The following CTNNAL1 variants were observed in gnomAD, a reference collection of about 807,000 sequenced individuals.
CTNNAL1 encodes the protein catenin alpha like 1, also known as alpha-catulin.
CTNNAL1 carries 69 observed loss-of-function variants against 93.6 expected under a neutral mutation model. The ratio of observed to expected loss-of-function variants is 0.74; its 90% CI spans 0.61 to 0.90. The LOEUF (loss-of-function observed/expected upper bound fraction) is 0.90, where lower values mean the gene tolerates loss of function less well. Ranked by LOEUF, CTNNAL1 falls within the 40% of genes least tolerant of loss-of-function variation. The probability of loss-of-function intolerance (pLI) is 0.00; values close to 1 mark genes in which losing one functional copy is unlikely to be tolerated. For synonymous variants in CTNNAL1, 286 were observed against 305.4 expected (o/e 0.94, Z 0.66); for missense variants, 836 against 862.0 (o/e 0.97, Z 0.38).
chr9:109,008,687 A>G (rs1346566850), intron 1 of CTNNAL1, among the ~76,000 whole-genome samples: 4 of 151,922 alleles, frequency 2.6e-5, no homozygotes, highest in Admixed American at 6.6e-5. Context: ...ATCTTTTCCT[A>G]TATCTTTTAG....
intron 12 of CTNNAL1, among the ~76,000 whole-genome samples, chr9:108,953,600 C>G (rs7023228): frequency 6.6e-6 from 1 of 152,300 alleles, no homozygotes; most frequent in Admixed American, 6.5e-5. Context: ...TCTTCTCATA[C>G]ATATATTTTT....
At chr9:108,984,546 GT>G in intron 4 of CTNNAL1, 110 bp from the exon 5 acceptor site, 1 of 334,548 alleles carries the variant, frequency 3.0e-6, no homozygotes, top group Admixed American at 4.7e-5. Flanking sequence ...ACATTGTTAA[GT>G]GAAAAAAAAA....
chr9:108,985,284 G>C (rs1272149958), intron 4 of CTNNAL1, among the ~76,000 whole-genome samples: 1 of 152,188 alleles, frequency 6.6e-6, no homozygotes, highest in African/African-American at 2.4e-5. Context: ...AAAGCAAACA[G>C]AGACAATACA....
At chr9:109,002,396 A>T (rs1245731751) in intron 1 of CTNNAL1, among the ~76,000 whole-genome samples, 1 of 152,182 alleles carries the variant, frequency 6.6e-6, no homozygotes, top group African/African-American at 2.4e-5. Flanking sequence ...GAATGCCAAC[A>T]ATCAGGCCAT....
chr9:109,013,415 C>A lies in CTNNAL1; in HGVS notation c.28G>T (p.Val10Phe), dbSNP rs1255079187. ...CCGTAGACTGCTCCGGCGCCGCCAA[C>A]GCCGGCGGGTCCGGGAGAGGCGGCC... MAASPGPAGVGGAGAVYGSG... is the reference protein window; with the variant it reads MAASPGPAGFGGAGAVYGSG... Residue 10 changes from valine to phenylalanine, a missense_variant, in exon 1 of 19, where the codon GTT becomes TTT. Val to Phe is a conservative substitution (Grantham distance 50). Transcript: ENST00000325551. The A allele has an allele frequency of 5.4e-6, 8 of 1,486,560 alleles. No homozygotes were observed. The East Asian group carries it at 1.8e-4, about 33-fold the overall frequency. 92.1% of individuals were successfully genotyped at this position (1,486,560 alleles called of 1,614,324 possible).
rs1832126781 is a variant in CTNNAL1, at chr9:108,999,018, A to G, written c.331+49T>C. 2.6e-6 allele frequency: 4 copies of G among 1,524,004 alleles called. No homozygotes were observed. In the South Asian group the frequency reaches 5.4e-5, roughly 20 times the overall value. 94.4% of individuals were successfully genotyped at this position (1,524,004 alleles called of 1,614,324 possible). On this transcript the variant is annotated intron_variant, in intron 2 of 18. Transcript: ENST00000325551. ...AAATCAATAATTTTTCATCATAACC[A>G]AAGCAATAAAAGTGGTATGAATAGT...
intron 14 of CTNNAL1, among the ~76,000 whole-genome samples, chr9:108,950,911 C>G (rs1035997653): frequency 4.6e-5 from 7 of 152,080 alleles, no homozygotes; most frequent in Non-Finnish European, 8.8e-5. Flanking sequence ...TCTCCAATAT[C>G]AGCTTTATCA....
intron 3 of CTNNAL1, 70 bp downstream of exon 3, chr9:108,992,562 T>C (rs1831850900): frequency 2.7e-6 from 4 of 1,502,482 alleles, no homozygotes; most frequent in Non-Finnish European, 3.6e-6. Flanking sequence ...AATCCACCAC[T>C]AAGAGTCATA....
At chr9:109,010,053 G>A (rs1298413292) in intron 1 of CTNNAL1, among the ~76,000 whole-genome samples, 3 of 151,834 alleles carry the variant, frequency 2.0e-5, no homozygotes, top group Non-Finnish European at 2.9e-5. Flanking sequence ...TAAAGACAGG[G>A]TCCTTGTTGG....
rs1831855047 is a variant in CTNNAL1 at position 108,992,647 on chromosome 9, T to C, written c.504A>G (p.Ile168Met). The change falls in exon 3 of 19, where the codon ATA becomes ATG. Residue 168 changes from isoleucine to methionine, a missense_variant. Physicochemically the swap from Ile to Met is conservative, Grantham distance 10. Coordinates refer to ENST00000325551, the MANE Select transcript of CTNNAL1 (RefSeq NM_003798.4). The stretch of plus-strand genomic sequence containing the variant: ...AGGTAAGTACCTTATTTCTTGATGT[T>C]ATTATCTGTTTAATGACTACTCGGT... ...LADRVVIKQI[I>M]TSRNKVLATM... The C allele has an allele frequency of 6.2e-7, 1 of 1,610,830 alleles. No homozygotes were observed. The highest frequency in any genetic ancestry group is 1.3e-5 in the African/African-American group (1 of 74,930).
intron 12 of CTNNAL1, 93 bp from the exon 13 acceptor site, chr9:108,952,587 G>C: frequency 6.8e-7 from 1 of 1,480,260 alleles, no homozygotes; most frequent in Non-Finnish European, 9.2e-7. Context: ...CAAAGTACTT[G>C]TAACAAAAGT....
At chr9:108,943,593 A>G (rs1442937832) in intron 17 of CTNNAL1, 110 bp downstream of exon 17, 2 of 831,852 alleles carry the variant, frequency 2.4e-6, no homozygotes, top group Non-Finnish European at 3.7e-6. Flanking sequence ...CAAGGCATGA[A>G]AAAAGGAAAT....
At chr9:109,012,802 C>T (rs1182948931) in intron 1 of CTNNAL1, among the ~76,000 whole-genome samples, 1 of 152,132 alleles carries the variant, frequency 6.6e-6, no homozygotes, top group African/African-American at 2.4e-5. Context: ...GATCAGGGAG[C>T]GCACGCTGGG....
Position 108,999,237 on chromosome 9 carries a change from T to C in CTNNAL1, c.161A>G (p.His54Arg), listed in dbSNP as rs1832137856. The C allele has an allele frequency of 1.9e-6, 3 of 1,600,940 alleles. No individual in the cohort carries two copies. Among genetic ancestry groups the C allele is most frequent in the South Asian group, 1.1e-5 (1 of 87,586 alleles). ...ATCAGACTTTTTGGTATTATCTTTA[T>C]GATTAATAAGCGTGGTGATCTAAAA... Reference protein sequence around the residue: ...LVSQITTLINHKDNTKKSDKT... With the variant: ...LVSQITTLINRKDNTKKSDKT... Residue 54 changes from histidine to arginine, a missense_variant, in exon 2 of 19, where the codon CAT (histidine) becomes CGT (arginine). By Grantham distance (29) the His-to-Arg change is conservative. Transcript: ENST00000325551.
chr9:108,983,292 G>T lies in CTNNAL1; in HGVS notation c.753C>A (p.Cys251Ter). Reference protein sequence around the residue: ...ASKTCLRHPNCESAHKNKEGV... With the variant: ...ASKTCLRHPN The stretch of plus-strand genomic sequence containing the variant: ...CTTCTTTGTTTTTATGGGCTGATTC[G>T]CAGTTAGGATGCCTCAGACATGTCT... The change falls in exon 6 of 19, where the codon TGC becomes TGA. Residue 251 changes from cysteine to a stop codon, truncating the protein, a stop_gained. Transcript: ENST00000325551. LOFTEE classifies it high-confidence loss of function. The T allele has an allele frequency of 6.4e-7, 1 of 1,554,166 alleles. No individual in the cohort carries two copies. Among genetic ancestry groups the T allele is most frequent in the Non-Finnish European group, 8.7e-7 (1 of 1,151,534 alleles).
chr9:108,948,514 T>C (rs1303954970), intron 14 of CTNNAL1, among the ~76,000 whole-genome samples: 1 of 152,208 alleles, frequency 6.6e-6, no homozygotes, highest in Non-Finnish European at 1.5e-5. Context: ...TTTAACCTTT[T>C]TCATTTTACT....
chr9:108,965,559 T>C (rs1229001597), intron 10 of CTNNAL1, 31 bp from the exon 11 acceptor site: 14 of 1,344,496 alleles, frequency 1.0e-5, no homozygotes, highest in Non-Finnish European at 1.4e-5. Context: ...CCTGTGTGAA[T>C]TTCAAAATCT....
chr9:108,953,207 C>G (rs1165243931), intron 12 of CTNNAL1, among the ~76,000 whole-genome samples: 2 of 152,146 alleles, frequency 1.3e-5, no homozygotes, highest in Non-Finnish European at 2.9e-5. Flanking sequence ...CTAGTTAGAC[C>G]AGGCTAGTCC....
intron 12 of CTNNAL1, 124 bp from the exon 13 acceptor site, chr9:108,952,618 T>A: frequency 8.2e-7 from 1 of 1,212,612 alleles, no homozygotes; most frequent in Non-Finnish European, 1.1e-6. Flanking sequence ...CAGTATGTAA[T>A]GACTGAATAT....
Sources: gnomAD v4.1 joint callset for allele counts (sites outside exome capture counted in the v4.1 genomes callset) on GRCh38, gnomAD v4.1.1 for gene constraint, MANE v1.5 for transcripts, NCBI Gene and HGNC (gene_info 2026-07-23, HGNC 2026-07-21) for gene names.